Variants in WDR53 observed in about 807,000 individuals in gnomAD.
WDR53 encodes WD repeat-containing protein 53.
WDR53 carries 19 observed loss-of-function variants against 21.3 expected under a neutral mutation model. The ratio of observed to expected loss-of-function variants is 0.89; its 90% CI spans 0.62 to 1.31. The LOEUF is 1.31. Among genes scored for constraint, WDR53 ranks in the 50% most tolerant of loss-of-function variants. WDR53 has a pLI of 0.00. For synonymous variants in WDR53, 157 were observed against 163.4 expected (o/e 0.96, Z 0.30); for missense variants, 374 against 423.2 (o/e 0.88, Z 1.02).
intron 2 of WDR53, among the ~76,000 whole-genome samples, chr3:196,566,121 C>T (rs1460893000): frequency 6.6e-6 from 1 of 151,956 alleles, no homozygotes; most frequent in Non-Finnish European, 1.5e-5. Flanking sequence ...ACAGTATCTC[C>T]CTCTGTTACC....
In WDR53 at chr3:196,561,270, G is replaced by A. The variant is rs921856473; in HGVS notation, c.206C>T (p.Ala69Val). The A allele has an allele frequency of 4.3e-6, 7 of 1,614,200 alleles. No homozygotes were observed. Among genetic ancestry groups the A allele is most frequent in the African/African-American group, 4.0e-5 (3 of 75,042 alleles). ...FSPSCPTKLYASHGETISVLD... is the reference protein window; with the variant it reads ...FSPSCPTKLYVSHGETISVLD... Reference sequence around the variant, plus strand: ...TACACTAATGGTTTCTCCATGTGAGGCATAGAGCTTGGTGGGACAGGAGGG... The same window carrying A: ...TACACTAATGGTTTCTCCATGTGAGACATAGAGCTTGGTGGGACAGGAGGG... Residue 69 changes from alanine (A) to valine (V), a missense_variant, in exon 3 of 4, where the codon GCC (alanine) becomes GTC (valine). Coordinates refer to ENST00000332629, the MANE Select transcript of WDR53 (RefSeq NM_182627.3).
rs751059608 is a variant in WDR53, at chr3:196,554,236, G to C, written c.1052C>G (p.Ser351Cys). Residue 351 changes from serine to cysteine, a missense_variant, in exon 4 of 4, where the codon TCT becomes TGT. Physicochemically the swap from Ser to Cys is moderately radical, Grantham distance 112. Transcript: ENST00000332629. ...TTAAAATTCATTTAAGGGGTATACA[G>C]ATATACAACTAGTTTGATCAGCTAC... Reference protein sequence around the residue: ...ILVADQTSCISVYPLNEF With the variant: ...ILVADQTSCICVYPLNEF 3 of 1,610,836 alleles carry C rather than the reference G, an allele frequency of 1.9e-6. No individual in the cohort carries two copies. Among genetic ancestry groups the C allele is most frequent in the Non-Finnish European group, 2.5e-6 (3 of 1,177,542 alleles).
intron 3 of WDR53, among the ~76,000 whole-genome samples, chr3:196,556,172 A>G (rs1198630760): frequency 1.3e-5 from 2 of 151,990 alleles, no homozygotes; most frequent in African/African-American, 4.8e-5. Flanking sequence ...CAGCCTCCCA[A>G]GTAGATGGGA....
At chr3:196,560,915 A>G in intron 3 of WDR53, 81 bp downstream of exon 3, 6 of 1,514,324 alleles carry the variant, frequency 4.0e-6, no homozygotes, top group Non-Finnish European at 5.3e-6. Context: ...AAAAGCAAAG[A>G]TATTTCGTGT....
At chr3:196,563,449 G>C (rs767705169) in intron 2 of WDR53, among the ~76,000 whole-genome samples, 13 of 152,312 alleles carry the variant, frequency 8.5e-5, no homozygotes, top group Non-Finnish European at 1.5e-4. Flanking sequence ...GCTTACCCGA[G>C]TGCCAGCCCC....
intron 2 of WDR53, among the ~76,000 whole-genome samples, chr3:196,565,262 TAAA>T (rs538382754): frequency 1.4e-5 from 2 of 144,274 alleles, no homozygotes; most frequent in Non-Finnish European, 3.0e-5. Flanking sequence ...CTGGGAATGT[TAAA>T]AAAAAAAAAA....
chr3:196,554,598 C>T lies in WDR53; in HGVS notation c.690G>A (p.Lys230=), dbSNP rs768276830. Residue 230 remains lysine (K), a synonymous_variant, in exon 4 of 4, where the codon AAG becomes AAA. Transcript: ENST00000332629. ...KVRIFRVMGV[K]CEQELGFKGH... ...CCTTAAATCCCAGTTCCTGTTCACACTTAACTCCCATCACCCGAAAGATTC... is the reference window on the plus strand; with the variant it reads ...CCTTAAATCCCAGTTCCTGTTCACATTTAACTCCCATCACCCGAAAGATTC... 6 of 1,614,142 alleles carry T rather than the reference C, an allele frequency of 3.7e-6. No homozygotes were observed. The highest frequency in any genetic ancestry group is 2.5e-6 in the Non-Finnish European group (3 of 1,180,030).
At chr3:196,554,925 C>A (rs145292081) in intron 3 of WDR53, 118 bp from the exon 4 acceptor site, 3 of 791,438 alleles carry the variant, frequency 3.8e-6, no homozygotes, top group Admixed American at 4.7e-5. Flanking sequence ...CAGTAGTGCA[C>A]GTTCTCAGCA....
chr3:196,561,621 T>C (rs1734883765), intron 2 of WDR53, 130 bp from the exon 3 acceptor site: 1 of 963,688 alleles, frequency 1.0e-6, no homozygotes, highest in South Asian at 2.3e-5. Flanking sequence ...ACTCAATTAA[T>C]TAAAAAAAAA....
rs866107429 is a variant in WDR53 at position 196,563,253 on chromosome 3, C to A, written c.-16-1762G>T. On this transcript the variant is annotated intron_variant, in intron 2 of 3. Coordinates refer to ENST00000332629, the MANE Select transcript of WDR53 (RefSeq NM_182627.3). ...CAGTGTAAAATTTAGATTTCTCATCCTCTAGGAATCCCAGATATACACACA... is the reference window on the plus strand; with the variant it reads ...CAGTGTAAAATTTAGATTTCTCATCATCTAGGAATCCCAGATATACACACA... Among the ~76,000 whole-genome samples the A allele has an allele frequency of 4.4e-4, 67 of 152,244 alleles. 1 individual carries two copies. The highest frequency in any genetic ancestry group is 2.5e-3 in the Admixed American group (38 of 15,276).
Position 196,554,300 on chromosome 3 carries a change from G to A in WDR53, c.988C>T (p.Leu330Phe). Residue 330 changes from leucine to phenylalanine, a missense_variant, in exon 4 of 4, where the codon CTC (leucine) becomes TTC (phenylalanine). Leu to Phe is a conservative substitution (Grantham distance 22). Coordinates refer to ENST00000332629, the MANE Select transcript of WDR53 (RefSeq NM_182627.3). ...TGTCCCTTTATTTTTGTACCCAAGA[G>A]CCAGTTCACTTTTTCTCCATGTTCA... ...NIEHGEKVNWLLGTKIKGHQN... is the reference protein window; with the variant it reads ...NIEHGEKVNWFLGTKIKGHQN... 1 of 1,614,034 alleles carries A rather than the reference G, an allele frequency of 6.2e-7. No individual in the cohort carries two copies. The highest frequency in any genetic ancestry group is 1.1e-5 in the South Asian group (1 of 91,060).
chr3:196,557,806 G>A (rs1448121793), intron 3 of WDR53, among the ~76,000 whole-genome samples: 1 of 149,544 alleles, frequency 6.7e-6, no homozygotes, highest in South Asian at 2.1e-4. Flanking sequence ...TTGAGACAAG[G>A]TCTCACTGTC....
At chr3:196,563,466 T>TG (rs1209799206) in intron 2 of WDR53, among the ~76,000 whole-genome samples, 1 of 152,186 alleles carries the variant, frequency 6.6e-6, no homozygotes, top group Non-Finnish European at 1.5e-5. Flanking sequence ...CCCCCAGAGC[T>TG]GTTGTGCTAT....
chr3:196,557,783 TC>T (rs1734467817), intron 3 of WDR53, among the ~76,000 whole-genome samples: 1 of 123,978 alleles, frequency 8.1e-6, no homozygotes, highest in Non-Finnish European at 1.8e-5. Flanking sequence ...TTTTTTCTTT[TC>T]TTTTTTTTTT....
rs544686971 is a variant in WDR53 at position 196,566,684 on chromosome 3, G to C, written c.-17+193C>G. On this transcript the variant is annotated intron_variant, in intron 2 of 3. Transcript: ENST00000332629. ...CCGCTTCGGCCTCCCAAAGTGCTGG[G>C]ATTCCAGGCGTGAGCCACGGCACCC... 1.2e-3 allele frequency among the ~76,000 whole-genome samples: 190 copies of C among 152,310 alleles called. 1 individual carries two copies. Among genetic ancestry groups the C allele is most frequent in the African/African-American group, 4.3e-3 (179 of 41,566 alleles).
chr3:196,562,143 C>G (rs7619117), intron 2 of WDR53, among the ~76,000 whole-genome samples: 60,510 of 152,030 alleles, frequency 0.4, 12,543 homozygotes, highest in Middle Eastern at 0.51. Context: ...GTGGTCTCCA[C>G]ACTAGCAGCA....
chr3:196,566,416 CTTT>C (rs1330674667), intron 2 of WDR53, among the ~76,000 whole-genome samples: 4 of 140,632 alleles, frequency 2.8e-5, no homozygotes. Context: ...GCATTTTTTT[CTTT>C]TTTTTTTTTT....
At chr3:196,563,949 C>T (rs1396096977) in intron 2 of WDR53, among the ~76,000 whole-genome samples, 1 of 152,040 alleles carries the variant, frequency 6.6e-6, no homozygotes, top group African/African-American at 2.4e-5. Flanking sequence ...ATCAAGGTAA[C>T]GGAAACGTGA....
At chr3:196,558,555 A>G (rs942085231) in intron 3 of WDR53, among the ~76,000 whole-genome samples, 10 of 152,252 alleles carry the variant, frequency 6.6e-5, no homozygotes, top group Non-Finnish European at 1.3e-4. Context: ...GTCAAAAGAC[A>G]TAACTTTATA....
Sources: gnomAD v4.1 joint callset for allele counts (sites outside exome capture counted in the v4.1 genomes callset) on GRCh38, gnomAD v4.1.1 for gene constraint, MANE v1.5 for transcripts, NCBI Gene and HGNC (gene_info 2026-07-23, HGNC 2026-07-21) for gene names.